The following RBMS3 variants were observed in gnomAD, a reference collection of about 807,000 sequenced individuals.
The protein encoded by RBMS3 is RNA-binding motif, single-stranded-interacting protein 3.
RBMS3 carries 27 observed loss-of-function variants against 66.8 expected under a neutral mutation model. The ratio of observed to expected loss-of-function variants is 0.40; its 90% CI spans 0.30 to 0.56. The LOEUF is 0.56. Ranked by LOEUF, RBMS3 falls within the 20% of genes least tolerant of loss-of-function variation. RBMS3 has a pLI of 0.40. For synonymous variants in RBMS3, 188 were observed against 183.0 expected (o/e 1.03, Z -0.22); for missense variants, 513 against 549.5 (o/e 0.93, Z 0.66).
chr3:29,770,041 G>A (rs1440499), intron 6 of RBMS3, among the ~76,000 whole-genome samples: 147,030 of 152,004 alleles, frequency 0.97, 71,136 homozygotes, highest in East Asian at 1. Context: ...TGTATACTGA[G>A]GACCTAATTG....
chr3:29,303,323 G>T (rs997784477), intron 1 of RBMS3, among the ~76,000 whole-genome samples: 3 of 151,990 alleles, frequency 2.0e-5, no homozygotes, highest in Non-Finnish European at 4.4e-5. Context: ...TAGGTTCACT[G>T]CTCAGAAATA....
At chr3:29,419,978 G>A (rs971546330) in intron 1 of RBMS3, among the ~76,000 whole-genome samples, 3 of 152,020 alleles carry the variant, frequency 2.0e-5, no homozygotes, top group South Asian at 2.1e-4. Context: ...GCTTCTTACC[G>A]TTGGTGTCTC....
intron 6 of RBMS3, among the ~76,000 whole-genome samples, chr3:29,833,489 A>G (rs2058425273): frequency 6.6e-6 from 1 of 152,188 alleles, no homozygotes; most frequent in African/African-American, 2.4e-5. Context: ...AAGATTTAGA[A>G]ATTATGAGCG....
intron 6 of RBMS3, among the ~76,000 whole-genome samples, chr3:29,828,995 TTTCTTTC>T (rs1216145544): frequency 1.0e-3 from 50 of 49,902 alleles, no homozygotes; most frequent in African/African-American, 3.6e-3. Flanking sequence ...TCTTTCTTTC[TTTCTTTC>T]TTTCTTTCTT....
In RBMS3 at chr3:29,504,751, A is replaced by G. The variant is rs183928838; in HGVS notation, c.307+16252A>G. On this transcript the variant is annotated intron_variant, in intron 3 of 14. Coordinates refer to ENST00000383767, the MANE Select transcript of RBMS3 (RefSeq NM_001003793.3). ...CCCTTTTCTCCACATCCTCATCAAC[A>G]TTTATCTTTCATCTTTTTCCTAATA... Among the ~76,000 whole-genome samples, 677 of 151,744 alleles carry G rather than the reference A, an allele frequency of 4.5e-3. 8 individuals carry two copies. The highest frequency in any genetic ancestry group is 0.035 in the South Asian group (167 of 4,798).
At chr3:29,787,010 G>T (rs1439030193) in intron 6 of RBMS3, among the ~76,000 whole-genome samples, 3 of 152,108 alleles carry the variant, frequency 2.0e-5, no homozygotes, top group Middle Eastern at 3.4e-3. Flanking sequence ...CCATCAAAAA[G>T]TGGCCTAAGG....
chr3:29,521,522 A>C (rs2148974190), intron 3 of RBMS3, among the ~76,000 whole-genome samples: 2 of 152,308 alleles, frequency 1.3e-5, no homozygotes, highest in East Asian at 3.9e-4. Context: ...ACATTCCTGG[A>C]AAAATCTCAC....
chr3:29,701,410 G>A (rs946860326), intron 4 of RBMS3, among the ~76,000 whole-genome samples: 3 of 152,222 alleles, frequency 2.0e-5, no homozygotes, highest in African/African-American at 7.2e-5. Context: ...ATGGTGAGAG[G>A]TAACAGCCTG....
intron 3 of RBMS3, among the ~76,000 whole-genome samples, chr3:29,506,338 T>C (rs1168455161): frequency 1.3e-5 from 2 of 152,052 alleles, no homozygotes; most frequent in African/African-American, 4.8e-5. Flanking sequence ...GAGATTATCA[T>C]ATGGTTTTTG....
At chr3:29,523,341 A>G (rs1009312637) in intron 3 of RBMS3, among the ~76,000 whole-genome samples, 2 of 152,134 alleles carry the variant, frequency 1.3e-5, no homozygotes, top group African/African-American at 2.4e-5. Flanking sequence ...GTTGCTTAGA[A>G]TCTTAAATTT....
chr3:29,535,943 G>T (rs1020669869), intron 3 of RBMS3, among the ~76,000 whole-genome samples: 1 of 151,870 alleles, frequency 6.6e-6, no homozygotes, highest in African/African-American at 2.4e-5. Context: ...GTAGCAAATA[G>T]TCATTGTAAT....
chr3:29,302,141 C>T (rs1176763980), intron 1 of RBMS3, among the ~76,000 whole-genome samples: 1 of 151,934 alleles, frequency 6.6e-6, no homozygotes, highest in East Asian at 1.9e-4. Context: ...TCCCGAATAG[C>T]TGGGACTACA....
intron 12 of RBMS3, among the ~76,000 whole-genome samples, chr3:29,982,959 C>G (rs1698096294): frequency 6.6e-6 from 1 of 152,104 alleles, no homozygotes; most frequent in African/African-American, 2.4e-5. Context: ...TCCTGAATAT[C>G]CTTGTTAATT....
intron 2 of RBMS3, among the ~76,000 whole-genome samples, chr3:29,480,773 A>T (rs768528236): frequency 4.6e-5 from 7 of 152,212 alleles, no homozygotes; most frequent in Non-Finnish European, 7.3e-5. Context: ...GATGGAAAGG[A>T]TTTGCACATG....
chr3:29,537,358 G>A (rs1240327648), intron 3 of RBMS3, among the ~76,000 whole-genome samples: 2 of 152,198 alleles, frequency 1.3e-5, no homozygotes, highest in Admixed American at 6.5e-5. Context: ...GAACATTTTG[G>A]CTTTCACATC....
rs185697514 is a variant in RBMS3 at position 29,783,423 on chromosome 3, C to G, written c.637+20434C>G. Among the ~76,000 whole-genome samples the G allele has an allele frequency of 4.6e-3, 705 of 152,132 alleles. 8 individuals carry two copies. Among genetic ancestry groups the G allele is most frequent in the Non-Finnish European group, 6.0e-3 (409 of 67,964 alleles). ...CATCCTTAAACAAAACAATTATCAGCCAAGAATTTTGTATCCAGCAAAATT... is the reference window on the plus strand; with the variant it reads ...CATCCTTAAACAAAACAATTATCAGGCAAGAATTTTGTATCCAGCAAAATT... On this transcript the variant is annotated intron_variant, in intron 6 of 14. Coordinates refer to ENST00000383767, the MANE Select transcript of RBMS3 (RefSeq NM_001003793.3).
chr3:29,731,290 A>G (rs115516488), intron 4 of RBMS3, among the ~76,000 whole-genome samples: 3,307 of 152,312 alleles, frequency 0.022, 56 homozygotes, highest in Non-Finnish European at 0.029. Context: ...CTTCTTTTTA[A>G]AAAAGTATTT....
intron 12 of RBMS3, among the ~76,000 whole-genome samples, chr3:29,968,913 C>G (rs1697044897): frequency 6.6e-6 from 1 of 151,714 alleles, no homozygotes; most frequent in East Asian, 1.9e-4. Context: ...TGGAATTTCA[C>G]ACGCTGTGAT....
chr3:29,666,076 G>A (rs1184736944), intron 4 of RBMS3, among the ~76,000 whole-genome samples: 1 of 151,996 alleles, frequency 6.6e-6, no homozygotes, highest in Non-Finnish European at 1.5e-5. Context: ...TCATATAAGA[G>A]CCCGTGTGTA....
Sources: gnomAD v4.1 joint callset for allele counts (sites outside exome capture counted in the v4.1 genomes callset) on GRCh38, gnomAD v4.1.1 for gene constraint, MANE v1.5 for transcripts, NCBI Gene and HGNC (gene_info 2026-07-23, HGNC 2026-07-21) for gene names.